The following SUFU variants were observed in gnomAD, a reference collection of about 807,000 sequenced individuals.
SUFU encodes the protein suppressor of fused homolog.
SUFU carries 7 observed loss-of-function variants against 58.9 expected under a neutral mutation model. The ratio of observed to expected loss-of-function variants is 0.12; its 90% CI spans 0.07 to 0.22. SUFU has a LOEUF of 0.22. SUFU is among the 10% of genes least tolerant of loss of function. SUFU has a pLI of 1.00. For missense variants in SUFU, 451 were observed against 641.3 expected (o/e 0.70, Z 3.20); for synonymous variants, 232 against 254.8 (o/e 0.91, Z 0.85).
chr10:102,514,907 C>G (rs1336094190), intron 2 of SUFU, among the ~76,000 whole-genome samples: 1 of 152,212 alleles, frequency 6.6e-6, no homozygotes, highest in Non-Finnish European at 1.5e-5. Context: ...TGGGATTTTC[C>G]CAGGGCAGGT....
At chr10:102,507,908 C>T (rs1459471316) in intron 1 of SUFU, among the ~76,000 whole-genome samples, 1 of 151,298 alleles carries the variant, frequency 6.6e-6, no homozygotes, top group Non-Finnish European at 1.5e-5. Flanking sequence ...AGACTTCCTT[C>T]CACTGATGGT....
At chr10:102,591,844 C>T (rs1212059020) in intron 3 of SUFU, among the ~76,000 whole-genome samples, 1 of 152,132 alleles carries the variant, frequency 6.6e-6, no homozygotes, top group Non-Finnish European at 1.5e-5. Flanking sequence ...TTAAACAAAA[C>T]TCTCTCTAAA....
intron 2 of SUFU, 69 bp from the exon 3 acceptor site, chr10:102,549,901 T>C: frequency 6.2e-7 from 1 of 1,602,554 alleles, no homozygotes; most frequent in Non-Finnish European, 8.5e-7. Context: ...GGGGAGAACT[T>C]TAGACTTTCA....
In SUFU at chr10:102,633,501, C is replaced by T. The variant is rs553606684; in HGVS notation, c.*3346C>T. ...TTCTGGCTGCCTGAAGTAGTGGAGC[C>T]GGAAGCCCGGGGCCCTGGCAGAGGG... is the stretch of plus-strand genomic sequence containing the variant. On this transcript the variant is annotated 3_prime_UTR_variant, in exon 12 of 12. Coordinates refer to ENST00000369902, the MANE Select transcript of SUFU (RefSeq NM_016169.4). The T allele has an allele frequency of 2.8e-4, 60 of 213,690 alleles. No individual in the cohort carries two copies. The highest frequency in any genetic ancestry group is 2.6e-3 in the East Asian group (37 of 14,280). 13.2% of individuals were successfully genotyped at this position (213,690 alleles called of 1,614,324 possible). A position where few individuals can be genotyped will look rare whatever the true frequency, so the allele number is the denominator to read the frequency against.
At chr10:102,627,296 T>TGTGC (rs2063794705) in intron 11 of SUFU, 53 bp downstream of exon 11, 1 of 1,481,814 alleles carries the variant, frequency 6.7e-7, no homozygotes, top group Admixed American at 1.7e-5. Context: ...GGACCATGTG[T>TGTGC]GTGCGTGCGT....
chr10:102,526,289 A>C (rs1395461232), intron 2 of SUFU, among the ~76,000 whole-genome samples: 1 of 152,092 alleles, frequency 6.6e-6, no homozygotes, highest in Non-Finnish European at 1.5e-5. Context: ...GTGGTGACTC[A>C]TGCCTCTAAT....
At position 102,628,682 on chromosome 10, in the gene SUFU, C is replaced by T. The variant is rs1407050815; in HGVS notation, c.1366-1384C>T. Among the ~76,000 whole-genome samples the T allele has an allele frequency of 6.6e-6, 1 of 152,166 alleles. No individual in the cohort carries two copies. The highest frequency in any genetic ancestry group is 1.5e-5 in the Non-Finnish European group (1 of 68,038). On this transcript the variant is annotated intron_variant, in intron 11 of 11. Coordinates refer to ENST00000369902, the MANE Select transcript of SUFU (RefSeq NM_016169.4). This position sits in a 1 kb window ranked among gnomAD's most constrained non-coding sequence, Gnocchi z 4.5. ...CTTTTCTGTCCAGAGGCTGTCCCTA[C>T]ACCCTGCCTCACTCGCCACTTTGGT...
chr10:102,553,391 C>T (rs1026653421), intron 3 of SUFU, among the ~76,000 whole-genome samples: 1 of 152,016 alleles, frequency 6.6e-6, no homozygotes. Context: ...ACCAGCTTTT[C>T]AGTTGCAGCA....
intron 3 of SUFU, among the ~76,000 whole-genome samples, chr10:102,582,874 G>A (rs779186457): frequency 6.6e-6 from 1 of 152,144 alleles, no homozygotes. Context: ...CACTGGGTGC[G>A]GGGGAGCCTC....
At chr10:102,577,932 C>T (rs1394378399) in intron 3 of SUFU, among the ~76,000 whole-genome samples, 2 of 149,708 alleles carry the variant, frequency 1.3e-5, no homozygotes, top group African/African-American at 2.4e-5. Flanking sequence ...CTGCCCGCCT[C>T]GGCCTCCCAA....
rs1240385834 is a variant in SUFU, at chr10:102,597,244, C to G, written c.861C>G (p.Asp287Glu). The change falls in exon 7 of 12, where the codon GAC (aspartate) becomes GAG (glutamate). Residue 287 changes from aspartate to glutamate, a missense_variant. Coordinates refer to ENST00000369902, the MANE Select transcript of SUFU (RefSeq NM_016169.4). ...DLSRPPEDDE[D>E]SRSICIGTQP... The stretch of plus-strand genomic sequence containing the variant: ...GCCGGCCCCCCGAGGATGACGAGGA[C>G]AGCCGGAGCATCTGCATCGGCACAC... 1 of 1,614,056 alleles carries G rather than the reference C, an allele frequency of 6.2e-7. No individual in the cohort carries two copies. The highest frequency in any genetic ancestry group is 1.1e-5 in the South Asian group (1 of 91,084).
rs2062370426 is a variant in SUFU at position 102,509,301 on chromosome 10, T to C, written c.315T>C (p.His105=). The change falls in exon 2 of 12, where the codon CAT becomes CAC. Residue 105 remains histidine (H), a splice_region_variant and synonymous_variant. Transcript: ENST00000369902. ...LSDLYGDNRV[H]EFTGTDGPSG... is the part of the protein sequence containing the mutation. ...ATCTCTATGGTGACAACAGAGTCCA[T>C]GAGTGAGTATATGCCACCTGTTCTT... 6.2e-7 allele frequency: 1 copy of C among 1,614,070 alleles called. No individual in the cohort carries two copies. The highest frequency in any genetic ancestry group is 1.1e-5 in the South Asian group (1 of 91,086).
chr10:102,503,864 A>G (rs1589969219), upstream of SUFU: 2 of 399,092 alleles, frequency 5.0e-6, no homozygotes, highest in South Asian at 3.6e-5. Context: ...GTCAAGTCAC[A>G]CCTTCCCTGC....
chr10:102,593,577 C>A (rs1212685614), intron 4 of SUFU, 59 bp from the exon 5 acceptor site: 3 of 1,570,664 alleles, frequency 1.9e-6, no homozygotes, highest in East Asian at 2.2e-5. Context: ...GGGTAGCTGA[C>A]CTTCTTGGGG....
chr10:102,617,651 G>A lies in SUFU; in HGVS notation c.1296+223G>A, dbSNP rs1055226088. 6.3e-5 allele frequency: 40 copies of A among 631,300 alleles called. No individual in the cohort carries two copies. In the African/African-American group the frequency reaches 6.8e-4, roughly 11 times the overall value. 39.1% of individuals were successfully genotyped at this position (631,300 alleles called of 1,614,324 possible). ...TCCTGACCTTCTCCCCCTGTCACCT[G>A]AGACACAAGTGTTAACTCTCCAGGC... On this transcript the variant is annotated intron_variant, in intron 10 of 11. Coordinates refer to ENST00000369902, the MANE Select transcript of SUFU (RefSeq NM_016169.4). The surrounding 1 kb of genome is among the most constrained non-coding windows in gnomAD (Gnocchi z 4.4).
intron 10 of SUFU, 133 bp from the exon 11 acceptor site, chr10:102,627,042 C>A: frequency 1.0e-6 from 1 of 961,266 alleles, no homozygotes; most frequent in East Asian, 2.5e-5. Context: ...CAAACACTTC[C>A]CTGTGTCCCT....
At chr10:102,614,940 C>G (rs1484379268) in intron 8 of SUFU, among the ~76,000 whole-genome samples, 1 of 151,972 alleles carries the variant, frequency 6.6e-6, no homozygotes, top group Non-Finnish European at 1.5e-5. Flanking sequence ...TCAGACCTGC[C>G]CGAGACTGGA....
intron 3 of SUFU, among the ~76,000 whole-genome samples, chr10:102,573,971 T>G (rs1214118016): frequency 2.0e-5 from 3 of 152,188 alleles, no homozygotes; most frequent in Non-Finnish European, 4.4e-5. Context: ...ATTGGTGAAT[T>G]TTATGTTGAT....
At chr10:102,626,636 G>A (rs1183844014) in intron 10 of SUFU, among the ~76,000 whole-genome samples, 2 of 152,070 alleles carry the variant, frequency 1.3e-5, no homozygotes, top group South Asian at 2.1e-4. Flanking sequence ...AAAATGAGAC[G>A]TTGGTCCACA....
Sources: allele counts gnomAD v4.1 joint callset (sites outside exome capture counted in the v4.1 genomes callset), GRCh38; gene constraint gnomAD v4.1.1; non-coding constraint Gnocchi (gnomAD v3.1); transcripts MANE v1.5; gene names NCBI Gene and HGNC (gene_info 2026-07-23, HGNC 2026-07-21).